Variants in PTTG1IP2 observed in about 807,000 individuals in gnomAD.
The protein encoded by PTTG1IP2 is PTTG1IP family member 2.
At chr7:90,471,291 C>T (rs560172984) in intron 1 of PTTG1IP2, among the ~76,000 whole-genome samples, 8 of 152,150 alleles carry the variant, frequency 5.3e-5, no homozygotes, top group Admixed American at 1.3e-4. Context: ...ATCTATGTCC[C>T]AGATTGTGCC....
chr7:90,480,262 A>G (rs1348403033), intron 2 of PTTG1IP2, among the ~76,000 whole-genome samples: 6 of 152,086 alleles, frequency 3.9e-5, no homozygotes, highest in Admixed American at 2.6e-4. Context: ...TAGCCTCAAC[A>G]AGACAAGAAC....
intron 2 of PTTG1IP2, among the ~76,000 whole-genome samples, chr7:90,482,056 C>T (rs1797820309): frequency 6.6e-6 from 1 of 152,024 alleles, no homozygotes; most frequent in Non-Finnish European, 1.5e-5. Flanking sequence ...GATAATTCCA[C>T]ATGGTCAACA....
intron 6 of PTTG1IP2, among the ~76,000 whole-genome samples, chr7:90,508,079 G>A (rs1177500225): frequency 1.3e-5 from 2 of 151,594 alleles, no homozygotes; most frequent in Non-Finnish European, 2.9e-5. Context: ...ACAACATGAT[G>A]AAACCCTGTC....
intron 1 of PTTG1IP2, among the ~76,000 whole-genome samples, chr7:90,475,995 G>C (rs948058406): frequency 7.3e-5 from 11 of 151,378 alleles, no homozygotes; most frequent in African/African-American, 2.4e-4. Flanking sequence ...AAAAGAAAAT[G>C]GTGTCGAAAC....
At chr7:90,511,089 G>A (rs1159753521) in intron 6 of PTTG1IP2, among the ~76,000 whole-genome samples, 1 of 139,360 alleles carries the variant, frequency 7.2e-6, no homozygotes, top group Non-Finnish European at 1.5e-5. Context: ...TTTTTTTTTT[G>A]TAATCACTGT....
At chr7:90,493,202 A>G (rs1447327619) in intron 5 of PTTG1IP2, among the ~76,000 whole-genome samples, 3 of 152,296 alleles carry the variant, frequency 2.0e-5, no homozygotes, top group Non-Finnish European at 4.4e-5. Context: ...GCATAATGAT[A>G]GGGAATGTAG....
At chr7:90,506,060 C>T (rs1296118004) in intron 6 of PTTG1IP2, among the ~76,000 whole-genome samples, 1 of 150,744 alleles carries the variant, frequency 6.6e-6, no homozygotes, top group East Asian at 1.9e-4. Flanking sequence ...AGCTTTTCTC[C>T]CTTCATTTAA....
At chr7:90,499,609 A>T (rs1798038494) in intron 6 of PTTG1IP2, among the ~76,000 whole-genome samples, 2 of 151,902 alleles carry the variant, frequency 1.3e-5, no homozygotes, top group East Asian at 3.9e-4. Flanking sequence ...TTTGAGACAG[A>T]GTCTTGCTCT....
intron 6 of PTTG1IP2, among the ~76,000 whole-genome samples, chr7:90,497,715 T>TAAAAAAAAA (rs1261744146): frequency 1.8e-5 from 1 of 56,308 alleles, no homozygotes; most frequent in African/African-American, 8.6e-5. Context: ...AGACCCTGTA[T>TAAAAAAAAA]AAAAAAAAAA....
intron 2 of PTTG1IP2, among the ~76,000 whole-genome samples, chr7:90,479,581 G>A (rs1407589031): frequency 6.6e-6 from 1 of 152,104 alleles, no homozygotes; most frequent in Non-Finnish European, 1.5e-5. Context: ...TAAAGGAAAA[G>A]ATATATCTTT....
intron 6 of PTTG1IP2, among the ~76,000 whole-genome samples, chr7:90,507,129 T>C (rs1222128470): frequency 6.6e-6 from 1 of 152,228 alleles, no homozygotes; most frequent in Non-Finnish European, 1.5e-5. Context: ...AAGTTAGTTA[T>C]AATAATTAGG....
chr7:90,485,243 C>G (rs1797860910), intron 2 of PTTG1IP2, among the ~76,000 whole-genome samples: 1 of 152,146 alleles, frequency 6.6e-6, no homozygotes, highest in Non-Finnish European at 1.5e-5. Flanking sequence ...CCTTTCAGGA[C>G]AGGCATATTC....
intron 1 of PTTG1IP2, among the ~76,000 whole-genome samples, chr7:90,474,619 A>C (rs557024350): frequency 1.3e-5 from 2 of 152,320 alleles, no homozygotes; most frequent in Admixed American, 1.3e-4. Context: ...CTCAAGAAGC[A>C]GGCAGCAGAG....
chr7:90,474,507 A>G (rs1018788447), intron 1 of PTTG1IP2, among the ~76,000 whole-genome samples: 35 of 152,236 alleles, frequency 2.3e-4, no homozygotes, highest in African/African-American at 8.2e-4. Flanking sequence ...CTCCAAGCTC[A>G]GCAGCACTGA....
chr7:90,491,559 G>T (rs1220272755), intron 4 of PTTG1IP2, among the ~76,000 whole-genome samples: 7 of 151,660 alleles, frequency 4.6e-5, no homozygotes, highest in South Asian at 4.2e-4. Flanking sequence ...GGAGGCAGAG[G>T]TTGCAGTGAG....
At chr7:90,487,470 C>T (rs895904186) in intron 3 of PTTG1IP2, 50 bp downstream of exon 3, 2 of 152,566 alleles carry the variant, frequency 1.3e-5, no homozygotes, top group African/African-American at 4.8e-5. Context: ...AATTGACTTG[C>T]AAATGCTAGT....
At chr7:90,488,668 C>T (rs1562986373) in intron 3 of PTTG1IP2, among the ~76,000 whole-genome samples, 2 of 151,988 alleles carry the variant, frequency 1.3e-5, no homozygotes, top group Non-Finnish European at 2.9e-5. Context: ...GTTAACTCCT[C>T]TAGCAACCCA....
chr7:90,491,897 G>A (rs1490014371), intron 4 of PTTG1IP2, among the ~76,000 whole-genome samples: 5 of 151,860 alleles, frequency 3.3e-5, no homozygotes, highest in African/African-American at 1.2e-4. Context: ...TTGGGAGGCC[G>A]AAGTGGGTGG....
In PTTG1IP2 at chr7:90,510,113, G is replaced by C. The variant is rs568393281; in HGVS notation, c.*51-3165G>C. ...TGTCATCTGAGCAATGAATGTCCAG[G>C]CTCAGTGGGAAAGAGCACTGGGATC... On this transcript the variant is annotated intron_variant, in intron 6 of 6. Coordinates refer to ENST00000509356, the MANE Select transcript of PTTG1IP2 (RefSeq NM_001365443.2). 1.4e-4 allele frequency among the ~76,000 whole-genome samples: 21 copies of C among 152,282 alleles called. 1 individual carries two copies. The South Asian group carries it at 3.3e-3, about 24-fold the overall frequency.
Sources: allele counts gnomAD v4.1 joint callset (sites outside exome capture counted in the v4.1 genomes callset), GRCh38; gene constraint gnomAD v4.1.1; transcripts MANE v1.5; gene names NCBI Gene and HGNC (gene_info 2026-07-23, HGNC 2026-07-21).